Variants in RANBP2 observed in about 807,000 individuals in gnomAD.
The protein encoded by RANBP2 is E3 SUMO-protein ligase RanBP2.
RANBP2 carries 57 observed loss-of-function variants against 303.6 expected under a neutral mutation model. The ratio of observed to expected loss-of-function variants is 0.19; its 90% CI spans 0.15 to 0.23. The LOEUF is 0.23. Ranked by LOEUF, RANBP2 falls within the 10% of genes least tolerant of loss-of-function variation. The pLI is 1.00. For synonymous variants in RANBP2, 1,167 were observed against 1,301.5 expected (o/e 0.90, Z 2.23); for missense variants, 3,138 against 3,780.8 (o/e 0.83, Z 4.46).
At chr2:109,268,524 C>T in the RANBP2 span, among the ~76,000 whole-genome samples, 1 of 152,200 alleles carries the variant, frequency 6.6e-6, no homozygotes, top group African/African-American at 2.4e-5. Context: ...AGGAGCCTGG[C>T]CCCATTGCCC....
chr2:109,635,540 G>A, the RANBP2 span, among the ~76,000 whole-genome samples: 3 of 152,202 alleles, frequency 2.0e-5, no homozygotes. Context: ...TCAAGCACTG[G>A]AGTGAGTGGC....
the RANBP2 span, among the ~76,000 whole-genome samples, chr2:109,395,497 T>A: frequency 6.6e-6 from 1 of 152,100 alleles, no homozygotes; most frequent in African/African-American, 2.4e-5. Context: ...GACTTTCTTC[T>A]TTGAGGCAGG....
chr2:108,821,910 A>G, the RANBP2 span, among the ~76,000 whole-genome samples: 2 of 147,586 alleles, frequency 1.4e-5, no homozygotes, highest in African/African-American at 5.0e-5. Flanking sequence ...CATGGGCAAC[A>G]AGAGCGAAAC....
chr2:109,645,158 G>A, the RANBP2 span, among the ~76,000 whole-genome samples: 4 of 152,176 alleles, frequency 2.6e-5, no homozygotes, highest in Non-Finnish European at 4.4e-5. Flanking sequence ...TCTCAGGCAC[G>A]CCTTCATGGG....
the RANBP2 span, among the ~76,000 whole-genome samples, chr2:109,457,573 C>T: frequency 6.6e-6 from 1 of 152,236 alleles, no homozygotes; most frequent in South Asian, 2.1e-4. Context: ...GCTGAACAAG[C>T]AAGCGATGCG....
At chr2:109,128,722 G>A in the RANBP2 span, 1 of 180,678 alleles carries the variant, frequency 5.5e-6, no homozygotes, top group African/African-American at 2.4e-5. Context: ...AGGCAGTCGG[G>A]ATAACGCCGC....
chr2:109,626,438 C>T, the RANBP2 span, among the ~76,000 whole-genome samples: 1 of 152,118 alleles, frequency 6.6e-6, no homozygotes, highest in African/African-American at 2.4e-5. Context: ...CACTGCACTC[C>T]AGCCTGGGCA....
the RANBP2 span, among the ~76,000 whole-genome samples, chr2:109,163,064 A>G: frequency 2.7e-4 from 41 of 152,322 alleles, no homozygotes; most frequent in African/African-American, 9.4e-4. Context: ...ATCCCGCCAA[A>G]TAGGAGGCTG....
chr2:109,403,813 T>C, the RANBP2 span, among the ~76,000 whole-genome samples: 1 of 152,154 alleles, frequency 6.6e-6, no homozygotes, highest in Non-Finnish European at 1.5e-5. Flanking sequence ...ACCTGCAACC[T>C]TGGGTAAGCT....
the RANBP2 span, among the ~76,000 whole-genome samples, chr2:109,277,350 G>A: frequency 6.6e-6 from 1 of 152,156 alleles, no homozygotes; most frequent in Non-Finnish European, 1.5e-5. Context: ...TTTTCTCAGT[G>A]TCATTTCATT....
the RANBP2 span, among the ~76,000 whole-genome samples, chr2:109,078,007 C>G: frequency 7.0e-6 from 1 of 143,516 alleles, no homozygotes; most frequent in Admixed American, 7.0e-5. Context: ...TATTTGCACT[C>G]TCATGTTCAC....
the RANBP2 span, among the ~76,000 whole-genome samples, chr2:108,935,687 C>G: frequency 1.3e-5 from 2 of 152,138 alleles, no homozygotes; most frequent in Non-Finnish European, 2.9e-5. Flanking sequence ...GACACCGATT[C>G]CCTTAATCTT....
At chr2:108,816,373 T>C in the RANBP2 span, among the ~76,000 whole-genome samples, 2 of 151,978 alleles carry the variant, frequency 1.3e-5, no homozygotes, top group Non-Finnish European at 2.9e-5. Context: ...AACGCTTGAA[T>C]CTGGGAGGTG....
the RANBP2 span, among the ~76,000 whole-genome samples, chr2:109,423,548 C>T: frequency 6.6e-6 from 1 of 152,184 alleles, no homozygotes; most frequent in Non-Finnish European, 1.5e-5. Context: ...TGGTGCTGCA[C>T]TCAGCCTGCA....
chr2:109,508,675 G>A, the RANBP2 span, among the ~76,000 whole-genome samples: 6 of 151,972 alleles, frequency 3.9e-5, no homozygotes, highest in Non-Finnish European at 7.4e-5. Flanking sequence ...CAGCCAGGAA[G>A]TGTCACATGG....
At chr2:108,845,602 C>T in the RANBP2 span, among the ~76,000 whole-genome samples, 20 of 144,994 alleles carry the variant, frequency 1.4e-4, no homozygotes, top group East Asian at 8.0e-4. Flanking sequence ...GATGGAGTCT[C>T]GCTCTGTCAC....
At chr2:109,159,803 C>T in the RANBP2 span, among the ~76,000 whole-genome samples, 1 of 152,184 alleles carries the variant, frequency 6.6e-6, no homozygotes, top group Non-Finnish European at 1.5e-5. Flanking sequence ...ATTTAGGTTT[C>T]ACACTCCTTA....
the RANBP2 span, among the ~76,000 whole-genome samples, chr2:109,706,105 G>A: frequency 6.6e-6 from 1 of 152,066 alleles, no homozygotes; most frequent in African/African-American, 2.4e-5. Context: ...ACACCTGGTG[G>A]GAGCTGCTAC....
At chr2:109,096,811 T>C in the RANBP2 span, among the ~76,000 whole-genome samples, 1 of 151,988 alleles carries the variant, frequency 6.6e-6, no homozygotes, top group Admixed American at 6.5e-5. Context: ...TTTTTTTTTT[T>C]TTCAGACCCT....
Sources: gnomAD v4.1 joint callset for allele counts (sites outside exome capture counted in the v4.1 genomes callset) on GRCh38, gnomAD v4.1.1 for gene constraint, MANE v1.5 for transcripts, NCBI Gene and HGNC (gene_info 2026-07-23, HGNC 2026-07-21) for gene names.